The following MTMR9 variants were observed in gnomAD, a reference collection of about 807,000 sequenced individuals.
MTMR9 encodes the protein myotubularin related protein 9.
A neutral mutation model predicts 69.5 loss-of-function variants in MTMR9; 39 were observed. The ratio of observed to expected loss-of-function variants is 0.56; its 90% CI spans 0.43 to 0.73. The LOEUF (loss-of-function observed/expected upper bound fraction) is 0.73, where lower values mean the gene tolerates loss of function less well. Among genes scored for constraint, MTMR9 ranks in the 30% least tolerant of loss-of-function variants. The probability of loss-of-function intolerance (pLI) is 0.00; values close to 1 mark genes in which losing one functional copy is unlikely to be tolerated. For missense variants in MTMR9, 900 were observed against 671.2 expected (o/e 1.34, Z -3.77); for synonymous variants, 354 against 240.8 (o/e 1.47, Z -4.35).
downstream of MTMR9, among the ~76,000 whole-genome samples, chr8:11,330,200 G>T (rs571632474): frequency 3.7e-4 from 56 of 151,480 alleles, no homozygotes; most frequent in Admixed American, 3.6e-3. Context: ...GAGGGAGGTG[G>T]GGGGTCAGCC....
intron 1 of MTMR9, among the ~76,000 whole-genome samples, chr8:11,287,510 T>C (rs1008521456): frequency 2.6e-5 from 4 of 151,472 alleles, no homozygotes; most frequent in African/African-American, 9.7e-5. Context: ...CAGATCAGAG[T>C]TTGTTAAATT....
intron 2 of MTMR9, among the ~76,000 whole-genome samples, chr8:11,295,674 A>G (rs1237676007): frequency 6.6e-6 from 1 of 152,232 alleles, no homozygotes; most frequent in Non-Finnish European, 1.5e-5. Context: ...TCTTGGGAGA[A>G]ATTTTAAAGT....
intron 6 of MTMR9, among the ~76,000 whole-genome samples, chr8:11,314,121 G>T (rs1201078863): frequency 6.6e-6 from 1 of 152,224 alleles, no homozygotes; most frequent in Non-Finnish European, 1.5e-5. Context: ...GCTCTATGTA[G>T]TGTATATGTA....
chr8:11,320,108 T>C, intron 9 of MTMR9: 3 of 340,794 alleles, frequency 8.8e-6, no homozygotes, highest in Non-Finnish European at 1.6e-5. Flanking sequence ...GAAAGTACCT[T>C]ACTCTTTGCC....
chr8:11,332,228 A>G, downstream of MTMR9: 1 of 1,477,312 alleles, frequency 6.8e-7, no homozygotes, highest in Non-Finnish European at 9.0e-7. Flanking sequence ...AATAAATCCT[A>G]GGAAAGAGTG....
At chr8:11,294,518 T>TTTTTTTTTTTA (rs1799480036) in intron 1 of MTMR9, among the ~76,000 whole-genome samples, 2 of 129,472 alleles carry the variant, frequency 1.5e-5, no homozygotes, top group African/African-American at 5.5e-5. Context: ...TTTTTTTTTT[T>TTTTTTTTTTTA]GAGACAGAGT....
At position 11,324,653 on chromosome 8, in the gene MTMR9, CT is replaced by C. The variant is rs1295489676; in HGVS notation, c.*1866del. On this transcript the variant is annotated 3_prime_UTR_variant, in exon 10 of 10. Transcript: ENST00000221086. ...ATATGAAGGAGGCTTTTCTTCTCAGCTAACAGGCATATAAGGAAAACCATCT... is the reference window on the plus strand; with the variant it reads ...ATATGAAGGAGGCTTTTCTTCTCAGCAACAGGCATATAAGGAAAACCATCT... 2 of 152,112 alleles carry C rather than the reference CT, an allele frequency of 1.3e-5. No homozygotes were observed. The highest frequency in any genetic ancestry group is 4.8e-5 in the African/African-American group (2 of 41,416). 9.4% of individuals were successfully genotyped at this position (152,112 alleles called of 1,614,324 possible). A position where few individuals can be genotyped will look rare whatever the true frequency, so the allele number is the denominator to read the frequency against.
At position 11,327,533 on chromosome 8, in the gene MTMR9, C is replaced by T. The variant is rs1800990962; in HGVS notation, c.*4745C>T. The T allele has an allele frequency of 6.6e-6, 1 of 152,556 alleles. No individual in the cohort carries two copies. The highest frequency in any genetic ancestry group is 1.5e-5 in the Non-Finnish European group (1 of 68,036). The allele number at this position is 152,556 out of a possible 1,614,324, so 9.5% of individuals were successfully genotyped here. A position where few individuals can be genotyped will look rare whatever the true frequency, so the allele number is the denominator to read the frequency against. ...TTATTCTACAAAATGCACCCTAAAT[C>T]TCATTGTTTAAAACCTTACTGATCT... On this transcript the variant is annotated 3_prime_UTR_variant, in exon 10 of 10. Transcript: ENST00000221086.
At chr8:11,290,036 A>G (rs994921529) in intron 1 of MTMR9, among the ~76,000 whole-genome samples, 1 of 152,118 alleles carries the variant, frequency 6.6e-6, no homozygotes, top group Non-Finnish European at 1.5e-5. Flanking sequence ...TCACAAACTA[A>G]TTGCTTTCCA....
downstream of MTMR9, chr8:11,332,037 A>C: frequency 6.2e-7 from 1 of 1,611,900 alleles, no homozygotes; most frequent in South Asian, 1.1e-5. Context: ...TTCTGACATC[A>C]TGGGGGCAGG....
At chr8:11,296,416 C>G (rs4559208) in intron 2 of MTMR9, among the ~76,000 whole-genome samples, 54,954 of 151,948 alleles carry the variant, frequency 0.36, 11,216 homozygotes, top group East Asian at 0.7. Context: ...TTAGAAAACA[C>G]TTAACCGTTT....
intron 5 of MTMR9, 26 bp downstream of exon 5, chr8:11,306,433 A>G (rs568259913): frequency 1.0e-4 from 161 of 1,600,794 alleles, no homozygotes; most frequent in Non-Finnish European, 1.4e-4. Flanking sequence ...GATAGTACAG[A>G]CTCTTATTAG....
At chr8:11,307,770 G>C (rs1021164871) in intron 5 of MTMR9, among the ~76,000 whole-genome samples, 1 of 151,846 alleles carries the variant, frequency 6.6e-6, no homozygotes, top group Non-Finnish European at 1.5e-5. Context: ...TCTCATTGTG[G>C]TTTTGAATTT....
At chr8:11,288,910 C>T (rs1312938633) in intron 1 of MTMR9, among the ~76,000 whole-genome samples, 1 of 152,188 alleles carries the variant, frequency 6.6e-6, no homozygotes, top group Non-Finnish European at 1.5e-5. Flanking sequence ...CGGTGGCTCA[C>T]GCCTGTAATC....
At chr8:11,332,185 A>C (rs1563298431), downstream of MTMR9, 1 of 1,550,744 alleles carries the variant, frequency 6.4e-7, no homozygotes, top group Non-Finnish European at 8.6e-7. Flanking sequence ...AAGACTGAAG[A>C]CAAAAAAAAA....
chr8:11,298,692 A>T, intron 2 of MTMR9: 1 of 869,916 alleles, frequency 1.1e-6, no homozygotes, highest in South Asian at 5.4e-5. Flanking sequence ...GAATTATGCT[A>T]ATTGATATGG....
rs576340339 is a variant in MTMR9, at chr8:11,322,938, A to G, written c.*150A>G. 5.5e-6 allele frequency: 3 copies of G among 543,494 alleles called. No homozygotes were observed. Among genetic ancestry groups the G allele is most frequent in the East Asian group, 3.3e-5 (1 of 30,382 alleles). The allele number at this position is 543,494 out of a possible 1,614,324, so 33.7% of individuals were successfully genotyped here. ...AATGTAATGGATTTCTCAATACTGT[A>G]TGAATAATGAAACTTACTATCATAA... On this transcript the variant is annotated 3_prime_UTR_variant, in exon 10 of 10. Transcript: ENST00000221086.
At chr8:11,288,492 G>C (rs937582975) in intron 1 of MTMR9, among the ~76,000 whole-genome samples, 2 of 151,644 alleles carry the variant, frequency 1.3e-5, no homozygotes, top group African/African-American at 4.8e-5. Flanking sequence ...CTACAGACCG[G>C]AATGAAATGA....
intron 3 of MTMR9, among the ~76,000 whole-genome samples, chr8:11,300,947 G>A (rs1344379847): frequency 6.6e-6 from 1 of 152,308 alleles, no homozygotes; most frequent in East Asian, 1.9e-4. Flanking sequence ...TGCAGGTCAT[G>A]TGGTCTCTGT....
Sources: allele counts gnomAD v4.1 joint callset (sites outside exome capture counted in the v4.1 genomes callset), GRCh38; gene constraint gnomAD v4.1.1; transcripts MANE v1.5; gene names NCBI Gene and HGNC (gene_info 2026-07-23, HGNC 2026-07-21).